KIAA0825: variants seen among roughly 807,000 people sequenced by gnomAD.
The protein encoded by KIAA0825 is uncharacterized protein KIAA0825.
KIAA0825 carries 119 observed loss-of-function variants against 147.6 expected under a neutral mutation model. The ratio of observed to expected loss-of-function variants is 0.81; its 90% CI spans 0.69 to 0.94. KIAA0825 has a LOEUF of 0.94. Ranked by LOEUF, KIAA0825 falls within the 40% of genes least tolerant of loss-of-function variation. The probability of loss-of-function intolerance (pLI) is 0.00; values close to 1 mark genes in which losing one functional copy is unlikely to be tolerated. For synonymous variants in KIAA0825, 470 were observed against 518.1 expected (o/e 0.91, Z 1.26); for missense variants, 1,381 against 1,472.7 (o/e 0.94, Z 1.02).
chr5:94,370,672 C>T (rs943155857), intron 20 of KIAA0825, among the ~76,000 whole-genome samples: 3 of 151,838 alleles, frequency 2.0e-5, no homozygotes, highest in South Asian at 2.1e-4. Flanking sequence ...TTTGGGAGGC[C>T]GAGGCGGGCA....
At chr5:94,406,650 G>A (rs1046302320) in intron 15 of KIAA0825, among the ~76,000 whole-genome samples, 2 of 152,174 alleles carry the variant, frequency 1.3e-5, no homozygotes, top group African/African-American at 4.8e-5. Flanking sequence ...AACAATCCAA[G>A]GAGAATTTAT....
At position 94,520,672 on chromosome 5, in the gene KIAA0825, T is replaced by G; in HGVS notation, c.546A>C (p.Ile182=). Residue 182 remains isoleucine, a synonymous_variant, in exon 5 of 21, where the codon ATA becomes ATC. Coordinates refer to ENST00000682413, the MANE Select transcript of KIAA0825 (RefSeq NM_001145678.3). ...LVSKLQSHNE[I]NNSQQKILLK... The stretch of plus-strand genomic sequence containing the variant: ...ATAAAATTTTTTGCTGTGAATTGTT[T>G]ATTTCATTATGGCTTTGTAATTTGC... The G allele has an allele frequency of 6.2e-7, 1 of 1,613,480 alleles. No homozygotes were observed. The highest frequency in any genetic ancestry group is 8.5e-7 in the Non-Finnish European group (1 of 1,179,504).
intron 6 of KIAA0825, among the ~76,000 whole-genome samples, chr5:94,481,558 G>C (rs1025581478): frequency 6.6e-6 from 1 of 152,024 alleles, no homozygotes; most frequent in Non-Finnish European, 1.5e-5. Context: ...GAGAAACCCA[G>C]GTGGCCACCT....
At chr5:94,257,503 A>G (rs568513028) in intron 20 of KIAA0825, among the ~76,000 whole-genome samples, 1 of 152,264 alleles carries the variant, frequency 6.6e-6, no homozygotes, top group East Asian at 1.9e-4. Flanking sequence ...AATCTTGCCA[A>G]AAATCATTGA....
intron 16 of KIAA0825, among the ~76,000 whole-genome samples, chr5:94,402,181 T>A (rs1310285028): frequency 1.3e-5 from 2 of 152,188 alleles, no homozygotes; most frequent in Non-Finnish European, 2.9e-5. Flanking sequence ...CTTTAACAAC[T>A]GGTATCTATA....
intron 20 of KIAA0825, among the ~76,000 whole-genome samples, chr5:94,286,901 G>A (rs1047198570): frequency 4.6e-5 from 7 of 151,998 alleles, no homozygotes; most frequent in African/African-American, 7.2e-5. Context: ...GATTATCCTG[G>A]GCTCTGACTC....
At chr5:94,547,529 G>T (rs916811954) in intron 2 of KIAA0825, among the ~76,000 whole-genome samples, 4 of 151,814 alleles carry the variant, frequency 2.6e-5, no homozygotes, top group African/African-American at 9.7e-5. Flanking sequence ...CCAGGTCAGG[G>T]GTTCAAGACC....
At chr5:94,328,182 C>T (rs39810) in intron 20 of KIAA0825, among the ~76,000 whole-genome samples, 29,909 of 151,884 alleles carry the variant, frequency 0.2, 3,455 homozygotes, top group Middle Eastern at 0.25. Flanking sequence ...TATTACTGCA[C>T]TGCATTTAAA....
chr5:94,509,437 C>A (rs1265703379), intron 5 of KIAA0825, among the ~76,000 whole-genome samples: 2 of 152,094 alleles, frequency 1.3e-5, no homozygotes, highest in Non-Finnish European at 2.9e-5. Context: ...TAACTCAAAT[C>A]CCTACAAATA....
chr5:94,515,924 T>C (rs923721451), intron 5 of KIAA0825, among the ~76,000 whole-genome samples: 1 of 152,144 alleles, frequency 6.6e-6, no homozygotes, highest in African/African-American at 2.4e-5. Flanking sequence ...TTCTCTTCTA[T>C]AAAAGATTGT....
chr5:94,601,295 G>A lies in KIAA0825; in HGVS notation c.-153+17205C>T, dbSNP rs1026081341. The stretch of plus-strand genomic sequence containing the variant: ...TACTGGAAGATCTGAGGCAACTAGG[G>A]ACTGGAGCAGATGCCCAGCAAACTG... On this transcript the variant is annotated intron_variant, in intron 1 of 20. Transcript: ENST00000682413. Among the ~76,000 whole-genome samples the A allele has an allele frequency of 1.1e-4, 17 of 152,176 alleles. 1 individual carries two copies. Among genetic ancestry groups the A allele is most frequent in the African/African-American group, 3.9e-4 (16 of 41,444 alleles).
chr5:94,477,134 C>T lies in KIAA0825; in HGVS notation c.1204G>A (p.Glu402Lys), dbSNP rs760484118. 4.5e-5 allele frequency: 69 copies of T among 1,550,136 alleles called. No homozygotes were observed. The highest frequency in any genetic ancestry group is 2.9e-4 in the African/African-American group (21 of 72,712). The change falls in exon 7 of 21, where the codon GAG (glutamate) becomes AAG (lysine). Residue 402 changes from glutamate to lysine, a missense_variant. Physicochemically the swap from Glu to Lys is moderately conservative, Grantham distance 56. Coordinates refer to ENST00000682413, the MANE Select transcript of KIAA0825 (RefSeq NM_001145678.3). ...ACCTCTTTTCCTGGTAGTGATTGCT[C>T]GGAAGGAATATTGGTTTCGTTTGCT... Reference protein sequence around the residue: ...PRANETNIPSEQSLPGKEATL... With the variant: ...PRANETNIPSKQSLPGKEATL...
intron 13 of KIAA0825, among the ~76,000 whole-genome samples, chr5:94,450,196 A>AT (rs1223994236): frequency 1.3e-5 from 2 of 151,714 alleles, no homozygotes; most frequent in Non-Finnish European, 2.9e-5. Context: ...CCACCCAGAG[A>AT]TAAAAACTAT....
At chr5:94,166,475 G>A (rs968978698) in intron 20 of KIAA0825, among the ~76,000 whole-genome samples, 2 of 150,166 alleles carry the variant, frequency 1.3e-5, no homozygotes, top group Non-Finnish European at 3.0e-5. Flanking sequence ...GGTAGCCTTA[G>A]GAAATAATTC....
At chr5:94,432,067 T>G (rs1755744064) in intron 14 of KIAA0825, among the ~76,000 whole-genome samples, 1 of 152,332 alleles carries the variant, frequency 6.6e-6, no homozygotes, top group South Asian at 2.1e-4. Context: ...TGATAATAAT[T>G]CATAATAGTT....
At chr5:94,461,538 A>G (rs2150950963) in intron 12 of KIAA0825, among the ~76,000 whole-genome samples, 1 of 152,032 alleles carries the variant, frequency 6.6e-6, no homozygotes, top group African/African-American at 2.4e-5. Context: ...GGGTTGCTAG[A>G]AGGAACATTC....
rs746162754 is a variant in KIAA0825 at position 94,195,664 on chromosome 5, TA to T, written c.3711-41541del. 6.2e-4 allele frequency among the ~76,000 whole-genome samples: 94 copies of T among 152,102 alleles called. 1 individual carries two copies. Among genetic ancestry groups the T allele is most frequent in the African/African-American group, 2.2e-3 (92 of 41,508 alleles). ...AAGTGACAAGAGCTCTTTTTTTTTT[TA>T]AATTTAATTTTATCCAGTTTGAAAC... On this transcript the variant is annotated intron_variant, in intron 20 of 20. Coordinates refer to ENST00000682413, the MANE Select transcript of KIAA0825 (RefSeq NM_001145678.3).
intron 20 of KIAA0825, among the ~76,000 whole-genome samples, chr5:94,335,913 A>G (rs994187359): frequency 6.6e-6 from 1 of 152,204 alleles, no homozygotes; most frequent in Non-Finnish European, 1.5e-5. Flanking sequence ...ATAATCACTA[A>G]CTTTTTAAGA....
intron 1 of KIAA0825, among the ~76,000 whole-genome samples, chr5:94,598,538 TAGA>T (rs775902053): frequency 2.0e-5 from 3 of 152,228 alleles, no homozygotes; most frequent in Non-Finnish European, 4.4e-5. Context: ...TTTTTATAAG[TAGA>T]AGAAGAATAT....
Sources: allele counts gnomAD v4.1 joint callset (sites outside exome capture counted in the v4.1 genomes callset), GRCh38; gene constraint gnomAD v4.1.1; transcripts MANE v1.5; gene names NCBI Gene and HGNC (gene_info 2026-07-23, HGNC 2026-07-21).